The following OBP2B variants were observed in gnomAD, a reference collection of about 807,000 sequenced individuals.
The protein encoded by OBP2B is odorant-binding protein 2b.
OBP2B carries 10 observed loss-of-function variants against 21.7 expected under a neutral mutation model. That is an observed-to-expected ratio of 0.46 (90% CI 0.28 to 0.78). The LOEUF is 0.78. Among genes scored for constraint, OBP2B ranks in the 30% least tolerant of loss-of-function variants. OBP2B has a pLI of 0.11. For synonymous variants in OBP2B, 73 were observed against 91.5 expected, an observed-to-expected ratio of 0.80 and a Z score of 1.16; for missense variants, 153 against 217.7, an observed-to-expected ratio of 0.70 and a Z score of 1.87.
upstream of OBP2B, among the ~76,000 whole-genome samples, chr9:133,210,843 C>T (rs782600801): frequency 5.9e-5 from 9 of 152,094 alleles, no homozygotes; most frequent in African/African-American, 1.4e-4. Flanking sequence ...GTGCAGACAC[C>T]GTCAGGAGAT....
At chr9:133,207,419 T>G in intron 3 of OBP2B, 83 bp from the exon 4 acceptor site, 2 of 957,792 alleles carry the variant, frequency 2.1e-6, no homozygotes, top group Non-Finnish European at 3.2e-6. Flanking sequence ...GTTTCAGCGG[T>G]CACCCAGGTG....
the OBP2B span, among the ~76,000 whole-genome samples, chr9:133,221,258 A>T: frequency 1.3e-5 from 2 of 152,196 alleles, no homozygotes; most frequent in Admixed American, 6.5e-5. Flanking sequence ...CTGCAGCTCA[A>T]GGAGGGAAAG....
rs199586345 is a variant in OBP2B at position 133,208,567 on chromosome 9, G to A, written c.108C>T (p.Val36=). Residue 36 remains valine (V), a synonymous_variant, in exon 2 of 7, where the codon GTC becomes GTT. Transcript: ENST00000372034. Reference sequence around the variant, plus strand: ...TCCTGTCCTCCGGAAAGTCCTTATCGACCACCATGGCCTTCACGTACCAGG... The same window carrying A: ...TCCTGTCCTCCGGAAAGTCCTTATCAACCACCATGGCCTTCACGTACCAGG... The part of the protein sequence containing the change: ...TGTWYVKAMV[V]DKDFPEDRRP... 8.2e-5 allele frequency: 133 copies of A among 1,612,202 alleles called. No individual in the cohort carries two copies. Among genetic ancestry groups the A allele is most frequent in the Non-Finnish European group, 1.1e-4 (125 of 1,179,054 alleles).
upstream of OBP2B, among the ~76,000 whole-genome samples, chr9:133,212,751 C>A (rs782732341): frequency 6.6e-6 from 1 of 152,070 alleles, no homozygotes; most frequent in African/African-American, 2.4e-5. Context: ...GCCAACATGG[C>A]GAAAACCCAT....
intron 4 of OBP2B, 29 bp from the exon 5 acceptor site, chr9:133,206,445 C>A (rs375847221): frequency 1.9e-6 from 3 of 1,611,292 alleles, no homozygotes; most frequent in Non-Finnish European, 2.5e-6. Context: ...GGTGAGCCGA[C>A]GTGGGGACAG....
chr9:133,220,249 G>T, the OBP2B span, among the ~76,000 whole-genome samples: 1 of 152,210 alleles, frequency 6.6e-6, no homozygotes, highest in Admixed American at 6.5e-5. Flanking sequence ...TTTAAAGAGT[G>T]AGTATGATGG....
chr9:133,206,943 A>G (rs1196315370), intron 4 of OBP2B, among the ~76,000 whole-genome samples: 2 of 151,722 alleles, frequency 1.3e-5, no homozygotes, highest in Non-Finnish European at 2.9e-5. Context: ...CTCTCTTAGG[A>G]CGCTTAAGGT....
rs1393504860 is a variant in OBP2B at position 133,205,401 on chromosome 9, C to T, written c.*12G>A. ...GTAGGGTGGGCTCTGGAGGTGCAGACCCGGGGGCTGCTGTGCTGGGAAGAG... is the reference window on the plus strand; with the variant it reads ...GTAGGGTGGGCTCTGGAGGTGCAGATCCGGGGGCTGCTGTGCTGGGAAGAG... On this transcript the variant is annotated 3_prime_UTR_variant, in exon 7 of 7. Transcript: ENST00000372034. The T allele has an allele frequency of 4.2e-6, 6 of 1,435,680 alleles. No individual in the cohort carries two copies. Among genetic ancestry groups the T allele is most frequent in the South Asian group, 3.8e-5 (3 of 79,806 alleles). 88.9% of individuals were successfully genotyped at this position (1,435,680 alleles called of 1,614,324 possible). A position where few individuals can be genotyped will look rare whatever the true frequency, so the allele number is the denominator to read the frequency against.
chr9:133,218,556 ATGGACCTAAC>A, the OBP2B span, among the ~76,000 whole-genome samples: 1 of 152,226 alleles, frequency 6.6e-6, no homozygotes, highest in Non-Finnish European at 1.5e-5. Flanking sequence ...AGAACAGGGG[ATGGACCTAAC>A]TGTCCCACCA....
At chr9:133,220,963 G>C in the OBP2B span, among the ~76,000 whole-genome samples, 1 of 152,338 alleles carries the variant, frequency 6.6e-6, no homozygotes, top group South Asian at 2.1e-4. Flanking sequence ...GAGGCCTCTG[G>C]AAGCTGGAAA....
At chr9:133,209,690 T>C (rs1833870567), upstream of OBP2B, among the ~76,000 whole-genome samples, 1 of 152,120 alleles carries the variant, frequency 6.6e-6, no homozygotes, top group South Asian at 2.1e-4. This position sits in a 1 kb window ranked among gnomAD's most constrained non-coding sequence, Gnocchi z 6.0. Context: ...GTGGGGCTGC[T>C]GCCAGCTGAG....
chr9:133,221,159 C>T, the OBP2B span, among the ~76,000 whole-genome samples: 1 of 152,188 alleles, frequency 6.6e-6, no homozygotes, highest in African/African-American at 2.4e-5. Flanking sequence ...GTTCTAAGAC[C>T]CCATGCACCA....
chr9:133,221,032 G>A, the OBP2B span, among the ~76,000 whole-genome samples: 149 of 152,292 alleles, frequency 9.8e-4, no homozygotes, highest in African/African-American at 3.2e-3. Context: ...GCCAACCTTC[G>A]TTTTAGCCCC....
chr9:133,208,749 G>A lies in OBP2B; in HGVS notation c.73-147C>T, dbSNP rs1588618432. 5 of 1,406,902 alleles carry A rather than the reference G, an allele frequency of 3.6e-6. No individual in the cohort carries two copies. The East Asian group carries it at 1.3e-4, about 35-fold the overall frequency. The allele number at this position is 1,406,902 out of a possible 1,614,324, so 87.2% of individuals were successfully genotyped here. A position where few individuals can be genotyped will look rare whatever the true frequency, so the allele number is the denominator to read the frequency against. ...GCTGTGTTCCTGCACCTTAGTTAGA[G>A]CTCAGCTGGAGTGAGTTAGAGCCAG... On this transcript the variant is annotated intron_variant, in intron 1 of 6. Coordinates refer to ENST00000372034, the MANE Select transcript of OBP2B (RefSeq NM_014581.4).
At chr9:133,213,668 C>A (rs1420878537), upstream of OBP2B, among the ~76,000 whole-genome samples, 1 of 152,180 alleles carries the variant, frequency 6.6e-6, no homozygotes, top group African/African-American at 2.4e-5. Context: ...TACGAAGAGA[C>A]CTTCCCACAT....
At chr9:133,222,788 A>G in the OBP2B span, among the ~76,000 whole-genome samples, 8,623 of 151,942 alleles carry the variant, frequency 0.057, 583 homozygotes, top group African/African-American at 0.16. Context: ...TGTGACCTTC[A>G]GGAAGAATGG....
chr9:133,217,380 G>A, the OBP2B span, among the ~76,000 whole-genome samples: 2 of 152,344 alleles, frequency 1.3e-5, no homozygotes, highest in South Asian at 4.1e-4. Flanking sequence ...GCCAGCAGGC[G>A]CTTCTCTTGT....
At chr9:133,208,900 C>T (rs1242127299) in intron 1 of OBP2B, among the ~76,000 whole-genome samples, 4 of 152,044 alleles carry the variant, frequency 2.6e-5, no homozygotes, top group African/African-American at 7.2e-5. Flanking sequence ...CTTCGGGCTT[C>T]AGGCGTCAGT....
At chr9:133,218,697 T>A in the OBP2B span, among the ~76,000 whole-genome samples, 7 of 152,022 alleles carry the variant, frequency 4.6e-5, no homozygotes, top group Non-Finnish European at 1.0e-4. Flanking sequence ...CATGGCAGCT[T>A]TATGCCTGGA....
Sources: allele counts gnomAD v4.1 joint callset (sites outside exome capture counted in the v4.1 genomes callset), GRCh38; gene constraint gnomAD v4.1.1; non-coding constraint Gnocchi (gnomAD v3.1); transcripts MANE v1.5; gene names NCBI Gene and HGNC (gene_info 2026-07-23, HGNC 2026-07-21).